Variants in DSCAML1 observed in about 807,000 individuals in gnomAD.
The protein encoded by DSCAML1 is DS cell adhesion molecule like 1.
DSCAML1 carries 38 observed loss-of-function variants against 200.5 expected under a neutral mutation model. That is an observed-to-expected ratio of 0.19 (90% confidence interval 0.15 to 0.25). The LOEUF (loss-of-function observed/expected upper bound fraction) is 0.25, where lower values mean the gene tolerates loss of function less well. DSCAML1 is among the 10% of genes least tolerant of loss of function. The pLI is 1.00. For synonymous variants in DSCAML1, 1,215 were observed against 1,165.0 expected (o/e 1.04, Z -0.87); for missense variants, 2,223 against 2,858.8 (o/e 0.78, Z 5.07).
At chr11:117,687,910 G>C (rs2053432657) in intron 3 of DSCAML1, among the ~76,000 whole-genome samples, 1 of 152,148 alleles carries the variant, frequency 6.6e-6, no homozygotes, top group Non-Finnish European at 1.5e-5. Context: ...TGTCCTCATG[G>C]CCAGATGGGC....
chr11:117,710,899 A>G (rs1038784880), intron 3 of DSCAML1, among the ~76,000 whole-genome samples: 22 of 152,206 alleles, frequency 1.4e-4, no homozygotes, highest in Non-Finnish European at 2.2e-4. Context: ...CCTAAGCCAC[A>G]TAGTACCTGT....
chr11:117,502,201 C>T (rs2049407688), intron 11 of DSCAML1, among the ~76,000 whole-genome samples: 1 of 152,162 alleles, frequency 6.6e-6, no homozygotes, highest in Admixed American at 6.5e-5. Context: ...ACGTGGGGTC[C>T]CCTCACACAC....
At chr11:117,473,296 AG>A (rs1441579500) in intron 14 of DSCAML1, among the ~76,000 whole-genome samples, 1 of 152,208 alleles carries the variant, frequency 6.6e-6, no homozygotes, top group East Asian at 1.9e-4. Flanking sequence ...CAGGAGTTTG[AG>A]ACCAGCTGGG....
intron 3 of DSCAML1, among the ~76,000 whole-genome samples, chr11:117,688,242 G>C (rs2053438774): frequency 6.6e-6 from 1 of 152,356 alleles, no homozygotes; most frequent in East Asian, 1.9e-4. Flanking sequence ...AGAGAAGGCA[G>C]GGACAGGGCT....
intron 3 of DSCAML1, among the ~76,000 whole-genome samples, chr11:117,619,127 C>A (rs868296654): frequency 6.6e-6 from 1 of 152,216 alleles, no homozygotes; most frequent in African/African-American, 2.4e-5. Flanking sequence ...CCCAGCCCAT[C>A]TGTTCAGTCC....
chr11:117,786,697 G>A (rs2055359273), intron 1 of DSCAML1, among the ~76,000 whole-genome samples: 1 of 152,150 alleles, frequency 6.6e-6, no homozygotes, highest in Non-Finnish European at 1.5e-5. Context: ...CATCGTAAAG[G>A]ACAACCCGAG....
At chr11:117,776,397 A>G (rs914977354) in intron 3 of DSCAML1, among the ~76,000 whole-genome samples, 8 of 152,054 alleles carry the variant, frequency 5.3e-5, no homozygotes, top group Admixed American at 5.2e-4. Flanking sequence ...AGGAACACAG[A>G]CCACAAACCC....
At chr11:117,544,244 A>T (rs1042826523) in intron 3 of DSCAML1, among the ~76,000 whole-genome samples, 2 of 152,202 alleles carry the variant, frequency 1.3e-5, no homozygotes, top group African/African-American at 4.8e-5. Flanking sequence ...AAAAAGAGAA[A>T]TTGCAATCAA....
At chr11:117,772,142 AG>A (rs1475206387) in intron 3 of DSCAML1, among the ~76,000 whole-genome samples, 1 of 152,064 alleles carries the variant, frequency 6.6e-6, no homozygotes, top group Non-Finnish European at 1.5e-5. Context: ...CAGAGAGAGG[AG>A]GGGGCCACTG....
intron 3 of DSCAML1, among the ~76,000 whole-genome samples, chr11:117,723,430 G>T (rs2054072441): frequency 6.6e-6 from 1 of 152,168 alleles, no homozygotes; most frequent in Non-Finnish European, 1.5e-5. Context: ...TACAAGGATT[G>T]CCATGAGAGA....
At position 117,505,496 on chromosome 11, in the gene DSCAML1, C is replaced by G; in HGVS notation, c.2020G>C (p.Ala674Pro). 1.2e-6 allele frequency: 2 copies of G among 1,612,746 alleles called. No individual in the cohort carries two copies. Among genetic ancestry groups the G allele is most frequent in the Non-Finnish European group, 1.7e-6 (2 of 1,180,010 alleles). Residue 674 changes from alanine to proline, a missense_variant, in exon 9 of 33, where the codon GCA (alanine) becomes CCA (proline). By Grantham distance (27) the Ala-to-Pro change is conservative. This residue lies in a region of DSCAML1 where 212 missense variants were observed against 368.0 expected (regional missense o/e 0.58). Transcript: ENST00000651296. This position sits in a 1 kb window ranked among gnomAD's most constrained non-coding sequence, Gnocchi z 6.7. The part of the protein sequence containing the change: ...NGNYTCIASN[A>P]AATVSRERQL... Reference sequence around the variant, plus strand: ...CGCTCCCGGCTCACGGTGGCGGCTGCGTTGCTGGCGATGCATGTATAGTTG... The same window carrying G: ...CGCTCCCGGCTCACGGTGGCGGCTGGGTTGCTGGCGATGCATGTATAGTTG...
chr11:117,500,407 A>C (rs1157958061), intron 11 of DSCAML1, among the ~76,000 whole-genome samples: 1 of 152,240 alleles, frequency 6.6e-6, no homozygotes, highest in African/African-American at 2.4e-5. Context: ...CCAGGTTTCT[A>C]GCACCTAAAA....
chr11:117,780,436 G>A lies in DSCAML1; in HGVS notation c.364+57C>T. On this transcript the variant is annotated intron_variant, in intron 2 of 32. Coordinates refer to ENST00000651296, the MANE Select transcript of DSCAML1 (RefSeq NM_020693.4). This position sits in a 1 kb window ranked among gnomAD's most constrained non-coding sequence, Gnocchi z 4.8. ...TTGCAAGCCCCTCCGAATATCCTCA[G>A]AATGACGGCGCAGCCTCCTCCTGTG... 1 of 1,373,666 alleles carries A rather than the reference G, an allele frequency of 7.3e-7. No homozygotes were observed. The highest frequency in any genetic ancestry group is 9.5e-7 in the Non-Finnish European group (1 of 1,052,002). 85.1% of individuals were successfully genotyped at this position (1,373,666 alleles called of 1,614,324 possible). A position where few individuals can be genotyped will look rare whatever the true frequency, so the allele number is the denominator to read the frequency against.
intron 3 of DSCAML1, among the ~76,000 whole-genome samples, chr11:117,694,965 A>G (rs2053562586): frequency 6.6e-6 from 1 of 152,184 alleles, no homozygotes; most frequent in African/African-American, 2.4e-5. Flanking sequence ...TAAGGACTTG[A>G]CCTTCAGCCT....
chr11:117,667,096 A>C (rs1036547286), intron 3 of DSCAML1, among the ~76,000 whole-genome samples: 3 of 152,152 alleles, frequency 2.0e-5, no homozygotes, highest in Non-Finnish European at 4.4e-5. Flanking sequence ...AGGTGGGACA[A>C]GGAGCCTGCT....
rs750717030 is a variant in DSCAML1 at position 117,780,248 on chromosome 11, G to GAAAAAGAA, written c.364+244_364+245insTTCTTTTT. On this transcript the variant is annotated intron_variant, in intron 2 of 32. Transcript: ENST00000651296. The surrounding 1 kb of genome is among the most constrained non-coding windows in gnomAD (Gnocchi z 4.8). ...GAAAGAAAGGAAAGAAAGAAAGAAA[G>GAAAAAGAA]AAAGAAAGAAAGAAAGAAAGAAAGA... Among the ~76,000 whole-genome samples the GAAAAAGAA allele has an allele frequency of 1.3e-5, 1 of 76,670 alleles. No homozygotes were observed. Among genetic ancestry groups the GAAAAAGAA allele is most frequent in the African/African-American group, 4.2e-5 (1 of 23,680 alleles). The allele number at this position is 76,670 out of a possible 152,430, so 50.3% of individuals were successfully genotyped here.
At chr11:117,749,392 A>G (rs2054567904) in intron 3 of DSCAML1, among the ~76,000 whole-genome samples, 1 of 152,226 alleles carries the variant, frequency 6.6e-6, no homozygotes, top group African/African-American at 2.4e-5. Flanking sequence ...GGTGGGGTGA[A>G]GGCCAACGCT....
At chr11:117,783,836 G>A (rs1835063355) in intron 1 of DSCAML1, among the ~76,000 whole-genome samples, 2 of 151,938 alleles carry the variant, frequency 1.3e-5, no homozygotes, top group Admixed American at 6.6e-5. Flanking sequence ...CACCCCAACC[G>A]CATTCCAAAC....
In DSCAML1 at chr11:117,718,617, G is replaced by A. The variant is rs373846851; in HGVS notation, c.511+58174C>T. The stretch of plus-strand genomic sequence containing the variant: ...TCAGGAAGGTGTATGACCAAATATC[G>A]CTCCCAGTTTTTCTTTCTAAAAATA... On this transcript the variant is annotated intron_variant, in intron 3 of 32. Transcript: ENST00000651296. Among the ~76,000 whole-genome samples the A allele has an allele frequency of 1.1e-3, 146 of 137,524 alleles. 2 individuals are homozygous for A. In the Admixed American group the frequency reaches 0.012, roughly 11 times the overall value. 90.2% of individuals were successfully genotyped at this position (137,524 alleles called of 152,430 possible).
Sources: allele counts gnomAD v4.1 joint callset (sites outside exome capture counted in the v4.1 genomes callset), GRCh38; gene constraint gnomAD v4.1.1; regional missense constraint gnomAD v4.1.1; non-coding constraint Gnocchi (gnomAD v3.1); transcripts MANE v1.5; gene names NCBI Gene and HGNC (gene_info 2026-07-23, HGNC 2026-07-21).